ZNF721: variants seen among roughly 807,000 people sequenced by gnomAD.
ZNF721 encodes the protein zinc finger protein 721.
A neutral mutation model predicts 2.4 loss-of-function variants in ZNF721; 2 were observed. The ratio of observed to expected loss-of-function variants is 0.82; its 90% CI spans 0.34 to 2.58. The LOEUF is 2.58. ZNF721 is among the 30% of genes most tolerant of loss of function. The pLI is 0.11. For missense variants in ZNF721, 1,187 were observed against 1,085.5 expected, an observed-to-expected ratio of 1.09 and a Z score of -1.31; for synonymous variants, 398 against 381.8, an observed-to-expected ratio of 1.04 and a Z score of -0.50.
chr4:457,035 ACT>A (rs1228205315), intron 2 of ZNF721, among the ~76,000 whole-genome samples: 1 of 152,180 alleles, frequency 6.6e-6, no homozygotes, highest in Non-Finnish European at 1.5e-5. Flanking sequence ...ACAGTTTTCA[ACT>A]CTGACTATGT....
chr4:461,486 GC>G (rs1386319652), intron 2 of ZNF721, among the ~76,000 whole-genome samples: 1 of 152,092 alleles, frequency 6.6e-6, no homozygotes, highest in Admixed American at 6.5e-5. Flanking sequence ...GACAAACACA[GC>G]CAATATTATA....
At chr4:451,712 T>G (rs1025355074) in intron 2 of ZNF721, among the ~76,000 whole-genome samples, 11 of 152,258 alleles carry the variant, frequency 7.2e-5, no homozygotes, top group African/African-American at 2.2e-4. Flanking sequence ...TGTGTGTGTC[T>G]TCTTCTCCCC....
At position 441,587 on chromosome 4, in the gene ZNF721, A is replaced by T; in HGVS notation, c.*108T>A. ...ATCTTATGATTAGAAAGGATTGAGG[A>T]GCATTTAAAGACCGCGACATTCGTC... On this transcript the variant is annotated 3_prime_UTR_variant, in exon 3 of 3. Coordinates refer to ENST00000511833, the MANE Select transcript of ZNF721 (RefSeq NM_133474.4). The T allele has an allele frequency of 2.3e-6, 2 of 864,962 alleles. No individual in the cohort carries two copies. The highest frequency in any genetic ancestry group is 3.5e-6 in the Non-Finnish European group (2 of 572,562). 53.6% of individuals were successfully genotyped at this position (864,962 alleles called of 1,614,324 possible). A position where few individuals can be genotyped will look rare whatever the true frequency, so the allele number is the denominator to read the frequency against.
At chr4:474,442 GCA>G (rs1209142667) in intron 1 of ZNF721, among the ~76,000 whole-genome samples, 2 of 151,978 alleles carry the variant, frequency 1.3e-5, no homozygotes, top group African/African-American at 4.8e-5. Context: ...ACGCGCGCGC[GCA>G]CACACACAGA....
chr4:465,257 T>C (rs531402774), intron 2 of ZNF721, among the ~76,000 whole-genome samples: 1 of 152,064 alleles, frequency 6.6e-6, no homozygotes, highest in African/African-American at 2.4e-5. Flanking sequence ...CCTGGTGGCG[T>C]GTACTTGTAT....
At chr4:488,930 GA>G (rs1485342972) in intron 1 of ZNF721, among the ~76,000 whole-genome samples, 1 of 152,146 alleles carries the variant, frequency 6.6e-6, no homozygotes, top group Non-Finnish European at 1.5e-5. Context: ...AGGGTCTCAG[GA>G]GAGGAAAAAC....
chr4:445,579 A>T (rs149369258), intron 2 of ZNF721, among the ~76,000 whole-genome samples: 1 of 152,374 alleles, frequency 6.6e-6, no homozygotes, highest in African/African-American at 2.4e-5. Flanking sequence ...TAATTTTTTA[A>T]ATGTAATCTG....
chr4:456,252 T>A (rs1714845753), intron 2 of ZNF721, among the ~76,000 whole-genome samples: 1 of 152,054 alleles, frequency 6.6e-6, no homozygotes, highest in East Asian at 1.9e-4. Context: ...CTATTTTTAG[T>A]GGAGACAGGG....
At chr4:458,280 A>T (rs562894070) in intron 2 of ZNF721, among the ~76,000 whole-genome samples, 3 of 152,180 alleles carry the variant, frequency 2.0e-5, no homozygotes. Flanking sequence ...TGCCCAGATA[A>T]CAGGTCTCCC....
intron 1 of ZNF721, among the ~76,000 whole-genome samples, chr4:477,474 G>A (rs962662181): frequency 3.9e-5 from 6 of 151,918 alleles, no homozygotes; most frequent in African/African-American, 1.5e-4. Context: ...CCCGGACCTC[G>A]TGATCCGCCT....
intron 1 of ZNF721, among the ~76,000 whole-genome samples, chr4:486,149 C>CT (rs199673189): frequency 2.4e-4 from 23 of 94,096 alleles, no homozygotes; most frequent in Middle Eastern, 5.8e-3. Context: ...AGTGTGATTT[C>CT]TTTTTTTTTT....
chr4:496,807 G>C (rs1553872294), intron 1 of ZNF721, among the ~76,000 whole-genome samples: 1 of 146,536 alleles, frequency 6.8e-6, no homozygotes, highest in Non-Finnish European at 1.5e-5. Flanking sequence ...CCGCCTCCCG[G>C]GTTCACGCCA....
chr4:475,332 C>G (rs1298126903), intron 1 of ZNF721, among the ~76,000 whole-genome samples: 4 of 151,192 alleles, frequency 2.6e-5, no homozygotes, highest in African/African-American at 4.9e-5. Flanking sequence ...TGCAGACTTA[C>G]TAATATTTTT....
intron 2 of ZNF721, among the ~76,000 whole-genome samples, chr4:462,988 T>C (rs76645794): frequency 0.18 from 26,833 of 151,982 alleles, 2,971 homozygotes; most frequent in Non-Finnish European, 0.23. Flanking sequence ...GGGAGAAAAT[T>C]TTTTTGCAAT....
intron 2 of ZNF721, among the ~76,000 whole-genome samples, chr4:458,999 T>C (rs909874089): frequency 6.6e-6 from 1 of 152,174 alleles, no homozygotes; most frequent in African/African-American, 2.4e-5. Context: ...GGGGCCAATA[T>C]TCAACATTCT....
chr4:441,458 G>T lies in ZNF721; in HGVS notation c.*237C>A. On this transcript the variant is annotated 3_prime_UTR_variant, in exon 3 of 3. Coordinates refer to ENST00000511833, the MANE Select transcript of ZNF721 (RefSeq NM_133474.4). ...TTTGCCACATTTTTAATTTTAATTTGGCTTCTCATCAATATAATTACTCTT... is the reference window on the plus strand; with the variant it reads ...TTTGCCACATTTTTAATTTTAATTTTGCTTCTCATCAATATAATTACTCTT... 1 of 378,518 alleles carries T rather than the reference G, an allele frequency of 2.6e-6. No individual in the cohort carries two copies. The allele number at this position is 378,518 out of a possible 1,614,324, so 23.4% of individuals were successfully genotyped here. A position where few individuals can be genotyped will look rare whatever the true frequency, so the allele number is the denominator to read the frequency against.
chr4:463,198 A>G (rs1484473474), intron 2 of ZNF721, among the ~76,000 whole-genome samples: 6 of 152,346 alleles, frequency 3.9e-5, no homozygotes, highest in Non-Finnish European at 1.5e-5. Context: ...AATCAAAACC[A>G]CAATAAGATA....
intron 2 of ZNF721, among the ~76,000 whole-genome samples, chr4:467,482 G>A (rs1171491168): frequency 1.2e-4 from 18 of 152,208 alleles, no homozygotes; most frequent in African/African-American, 4.3e-4. Context: ...CTATAGTTAG[G>A]GTTGTGAAAC....
In ZNF721 at chr4:442,100, G is replaced by A. The variant is rs1714263127; in HGVS notation, c.2367C>T (p.Val789=). 1.2e-6 allele frequency: 2 copies of A among 1,613,774 alleles called. No homozygotes were observed. Among genetic ancestry groups the A allele is most frequent in the Admixed American group, 1.7e-5 (1 of 59,988 alleles). ...TAGCAAAGCTTGAGGATGACGTAATGACTTTGCCACATTCCTTACATTTGT... is the reference window on the plus strand; with the variant it reads ...TAGCAAAGCTTGAGGATGACGTAATAACTTTGCCACATTCCTTACATTTGT... ...KPYKCKECGK[V]ITSSSSFAKH... The change falls in exon 3 of 3, where the codon GTC becomes GTT. Residue 789 remains valine, a synonymous_variant. Transcript: ENST00000511833.
Sources: allele counts gnomAD v4.1 joint callset (sites outside exome capture counted in the v4.1 genomes callset), GRCh38; gene constraint gnomAD v4.1.1; transcripts MANE v1.5; gene names NCBI Gene and HGNC (gene_info 2026-07-23, HGNC 2026-07-21).